The following NEGR1 variants were observed in gnomAD, a reference collection of about 807,000 sequenced individuals.
NEGR1 encodes neuronal growth regulator 1.
NEGR1 carries 10 observed loss-of-function variants against 40.9 expected under a neutral mutation model. That is an observed-to-expected ratio of 0.24 (90% CI 0.15 to 0.42). The LOEUF (loss-of-function observed/expected upper bound fraction) is 0.42, where lower values mean the gene tolerates loss of function less well. NEGR1 is among the 10% of genes least tolerant of loss of function. The pLI is 1.00. For missense variants in NEGR1, 352 were observed against 438.9 expected, an observed-to-expected ratio of 0.80 and a Z score of 1.77; for synonymous variants, 185 against 166.8, an observed-to-expected ratio of 1.11 and a Z score of -0.84.
intron 4 of NEGR1, among the ~76,000 whole-genome samples, chr1:71,650,250 G>T (rs1333592186): frequency 6.6e-6 from 1 of 152,106 alleles, no homozygotes; most frequent in African/African-American, 2.4e-5. Flanking sequence ...AAATTTCAGT[G>T]ACCCCTGAAT....
At chr1:72,105,309 T>C (rs541643883) in intron 1 of NEGR1, among the ~76,000 whole-genome samples, 2 of 152,192 alleles carry the variant, frequency 1.3e-5, no homozygotes, top group Non-Finnish European at 2.9e-5. Flanking sequence ...GTTTCTTCCT[T>C]CACACTTCAG....
At chr1:72,117,232 G>A (rs1649616637) in intron 1 of NEGR1, among the ~76,000 whole-genome samples, 2 of 151,694 alleles carry the variant, frequency 1.3e-5, no homozygotes, top group Admixed American at 6.6e-5. Flanking sequence ...ATTATTTATG[G>A]TCTTAGTTAT....
intron 6 of NEGR1, among the ~76,000 whole-genome samples, chr1:71,510,898 C>T (rs1647068837): frequency 6.6e-6 from 1 of 152,180 alleles, no homozygotes; most frequent in South Asian, 2.1e-4. Flanking sequence ...AAAAAGGAAG[C>T]AACACTCAGA....
Position 71,570,112 on chromosome 1 carries a change from T to C in NEGR1, c.940+22705A>G, listed in dbSNP as rs189604449. On this transcript the variant is annotated intron_variant, in intron 6 of 6. Coordinates refer to ENST00000357731, the MANE Select transcript of NEGR1 (RefSeq NM_173808.3). ...ATTTGCGAACCATTTTCTTATAATC[T>C]GTTGACTCACAGAGGAGTTTTCCAA... Among the ~76,000 whole-genome samples the C allele has an allele frequency of 2.8e-4, 43 of 152,364 alleles. No homozygotes were observed. In the Middle Eastern group the frequency reaches 0.017, roughly 60 times the overall value.
At chr1:71,579,807 A>G (rs576052407) in intron 6 of NEGR1, among the ~76,000 whole-genome samples, 12 of 152,244 alleles carry the variant, frequency 7.9e-5, no homozygotes, top group African/African-American at 1.9e-4. Context: ...ACCAGGTTAT[A>G]TGTTTTTCTC....
At chr1:71,621,203 A>T (rs1478058887) in intron 4 of NEGR1, among the ~76,000 whole-genome samples, 1 of 151,962 alleles carries the variant, frequency 6.6e-6, no homozygotes, top group African/African-American at 2.4e-5. Flanking sequence ...AGTATATCAC[A>T]TTTTACTCTC....
chr1:71,466,772 A>G (rs956141516), intron 6 of NEGR1, among the ~76,000 whole-genome samples: 12 of 152,228 alleles, frequency 7.9e-5, no homozygotes, highest in Middle Eastern at 3.4e-3. Context: ...AGGGTTGCAG[A>G]TAAGTCTTGG....
chr1:71,507,982 C>T (rs747869734), intron 6 of NEGR1, among the ~76,000 whole-genome samples: 2 of 152,064 alleles, frequency 1.3e-5, no homozygotes, highest in Non-Finnish European at 2.9e-5. Context: ...GGAATTGTCT[C>T]CCCCACAAGT....
At chr1:72,177,124 T>A (rs1166306851) in intron 1 of NEGR1, among the ~76,000 whole-genome samples, 1 of 152,128 alleles carries the variant, frequency 6.6e-6, no homozygotes, top group Non-Finnish European at 1.5e-5. Flanking sequence ...GATCTAAGTG[T>A]TGTAGTAGTT....
At chr1:71,810,742 C>G (rs964442186) in intron 2 of NEGR1, among the ~76,000 whole-genome samples, 2 of 151,992 alleles carry the variant, frequency 1.3e-5, no homozygotes, top group African/African-American at 2.4e-5. Context: ...TAGCTCCTCT[C>G]CCTTCTCTCT....
intron 3 of NEGR1, among the ~76,000 whole-genome samples, chr1:71,740,394 A>G (rs1570280911): frequency 6.6e-6 from 1 of 152,178 alleles, no homozygotes; most frequent in Non-Finnish European, 1.5e-5. Context: ...TAATATAAAT[A>G]TGATCAAAGA....
intron 1 of NEGR1, among the ~76,000 whole-genome samples, chr1:71,994,420 C>G (rs770917760): frequency 5.3e-5 from 8 of 151,640 alleles, no homozygotes; most frequent in Non-Finnish European, 1.0e-4. Context: ...ACCAGCTACT[C>G]GGGAGGCTGA....
intron 3 of NEGR1, among the ~76,000 whole-genome samples, chr1:71,734,230 C>T (rs1654977454): frequency 6.6e-6 from 1 of 152,172 alleles, no homozygotes; most frequent in Non-Finnish European, 1.5e-5. Flanking sequence ...GTAAGACCCG[C>T]AGAATGGTTT....
At chr1:71,707,834 A>G (rs1557622043) in intron 3 of NEGR1, among the ~76,000 whole-genome samples, 1 of 152,172 alleles carries the variant, frequency 6.6e-6, no homozygotes, top group African/African-American at 2.4e-5. Flanking sequence ...GTGAGAAAGT[A>G]AAGGAAGAGA....
chr1:71,407,699 A>G, intron 6 of NEGR1, 129 bp from the exon 7 acceptor site: 1 of 793,164 alleles, frequency 1.3e-6, no homozygotes, highest in Non-Finnish European at 2.0e-6. Context: ...TGAAGTTCAT[A>G]TCTGATTCTG....
At position 71,565,332 on chromosome 1, in the gene NEGR1, G is replaced by A. The variant is rs867038798; in HGVS notation, c.940+27485C>T. 2.6e-5 allele frequency among the ~76,000 whole-genome samples: 4 copies of A among 152,144 alleles called. No individual in the cohort carries two copies. The South Asian group carries it at 8.3e-4, about 31-fold the overall frequency. On this transcript the variant is annotated intron_variant, in intron 6 of 6. Transcript: ENST00000357731. ...AAGCAGCTGGAGTTTGTGTGCTTGG[G>A]TATGCTTCTATGTATGTATACACAA... is the stretch of plus-strand genomic sequence containing the variant.
intron 1 of NEGR1, among the ~76,000 whole-genome samples, chr1:71,945,272 A>C (rs1260197643): frequency 6.6e-6 from 1 of 152,160 alleles, no homozygotes; most frequent in Non-Finnish European, 1.5e-5. Flanking sequence ...GATTAAATTA[A>C]TTAGTTTGTT....
chr1:71,921,604 G>A (rs922520553), intron 2 of NEGR1, among the ~76,000 whole-genome samples: 2 of 148,922 alleles, frequency 1.3e-5, no homozygotes, highest in Non-Finnish European at 3.0e-5. Context: ...TTAGCTTACT[G>A]TATTGTAGGA....
chr1:71,807,186 G>A (rs977480345), intron 2 of NEGR1, among the ~76,000 whole-genome samples: 15 of 151,972 alleles, frequency 9.9e-5, no homozygotes, highest in South Asian at 4.2e-4. Flanking sequence ...GTGAGCCACC[G>A]CACCTGGCCA....
Sources: gnomAD v4.1 joint callset for allele counts (sites outside exome capture counted in the v4.1 genomes callset) on GRCh38, gnomAD v4.1.1 for gene constraint, MANE v1.5 for transcripts, NCBI Gene and HGNC (gene_info 2026-07-23, HGNC 2026-07-21) for gene names.